TAFA1: variants seen among roughly 807,000 people sequenced by gnomAD.
The protein encoded by TAFA1 is chemokine-like protein TAFA-1.
In TAFA1, 4 loss-of-function variants were observed where a neutral mutation model predicts 18.5. The ratio of observed to expected loss-of-function variants is 0.22; its 90% CI spans 0.11 to 0.49. The LOEUF (loss-of-function observed/expected upper bound fraction) is 0.49. Among genes scored for constraint, TAFA1 ranks in the 20% least tolerant of loss-of-function variants. The pLI is 0.98. For missense variants in TAFA1, 147 were observed against 169.0 expected, an observed-to-expected ratio of 0.87 and a Z score of 0.72; for synonymous variants, 56 against 55.2, an observed-to-expected ratio of 1.01 and a Z score of -0.06.
chr3:68,170,385 C>T (rs1036662331), intron 2 of TAFA1, among the ~76,000 whole-genome samples: 4 of 152,174 alleles, frequency 2.6e-5, no homozygotes, highest in Admixed American at 6.5e-5. Flanking sequence ...GTGCAAACAG[C>T]CCTATCCCCA....
intron 3 of TAFA1, among the ~76,000 whole-genome samples, chr3:68,523,756 T>C (rs1421594813): frequency 1.3e-5 from 2 of 152,186 alleles, no homozygotes; most frequent in Non-Finnish European, 2.9e-5. Flanking sequence ...AAGGCCTAGG[T>C]TTTCTTTGCA....
intron 2 of TAFA1, among the ~76,000 whole-genome samples, chr3:68,202,502 C>A (rs982702022): frequency 6.6e-6 from 1 of 151,648 alleles, no homozygotes; most frequent in Non-Finnish European, 1.5e-5. Flanking sequence ...AATTCTCTCT[C>A]CTTTCTTTAG....
At chr3:68,113,060 G>A (rs1370032898) in intron 2 of TAFA1, among the ~76,000 whole-genome samples, 3 of 152,056 alleles carry the variant, frequency 2.0e-5, no homozygotes, top group African/African-American at 7.2e-5. Flanking sequence ...TTAGAAATTG[G>A]TGAGCTGATT....
intron 3 of TAFA1, among the ~76,000 whole-genome samples, chr3:68,424,751 C>G (rs999811250): frequency 3.9e-5 from 6 of 151,982 alleles, no homozygotes; most frequent in Non-Finnish European, 8.8e-5. Flanking sequence ...CTTAGCCTTC[C>G]AAAACATGAC....
In TAFA1 at chr3:68,386,525, T is replaced by A. The variant is rs139771780; in HGVS notation, c.119-30755T>A. Among the ~76,000 whole-genome samples the A allele has an allele frequency of 2.2e-3, 340 of 152,254 alleles. 2 individuals carry two copies. The highest frequency in any genetic ancestry group is 7.6e-3 in the African/African-American group (314 of 41,570). ...TGTTAAGAACTCATCTAGGGTGCTATGCACATGATCTAGCCTGACAATCCT... is the reference window on the plus strand; with the variant it reads ...TGTTAAGAACTCATCTAGGGTGCTAAGCACATGATCTAGCCTGACAATCCT... On this transcript the variant is annotated intron_variant, in intron 2 of 4. Transcript: ENST00000478136.
intron 3 of TAFA1, among the ~76,000 whole-genome samples, chr3:68,453,228 C>A (rs1374341657): frequency 6.6e-6 from 1 of 152,154 alleles, no homozygotes; most frequent in Non-Finnish European, 1.5e-5. Context: ...GACAAGAGAG[C>A]CATTGCAGAC....
intron 2 of TAFA1, among the ~76,000 whole-genome samples, chr3:68,205,153 C>T (rs62248290): frequency 1.3e-5 from 2 of 151,570 alleles, no homozygotes; most frequent in Non-Finnish European, 3.0e-5. Flanking sequence ...TTCTATAAGA[C>T]AAAGGTGATT....
At chr3:68,022,321 G>A (rs1043915259) in intron 2 of TAFA1, among the ~76,000 whole-genome samples, 1 of 152,172 alleles carries the variant, frequency 6.6e-6, no homozygotes, top group African/African-American at 2.4e-5. Context: ...TAGAACATTT[G>A]GAGGCAGAAG....
chr3:68,168,144 CA>C (rs10662237), intron 2 of TAFA1, among the ~76,000 whole-genome samples: 2,250 of 116,442 alleles, frequency 0.019, 77 homozygotes, highest in African/African-American at 0.067. Flanking sequence ...TTTTCAGATA[CA>C]AAAAAAAAAA....
At chr3:68,322,502 A>T (rs1449172116) in intron 2 of TAFA1, among the ~76,000 whole-genome samples, 1 of 152,136 alleles carries the variant, frequency 6.6e-6, no homozygotes, top group Admixed American at 6.5e-5. Flanking sequence ...GAGAAGTTAC[A>T]TGTCTTGCCC....
intron 2 of TAFA1, among the ~76,000 whole-genome samples, chr3:68,215,209 G>A (rs188262318): frequency 6.6e-6 from 1 of 151,984 alleles, no homozygotes; most frequent in Non-Finnish European, 1.5e-5. Context: ...TATATGCCAA[G>A]CACTTTCCAT....
chr3:68,123,239 A>T (rs1344546430), intron 2 of TAFA1, among the ~76,000 whole-genome samples: 1 of 152,130 alleles, frequency 6.6e-6, no homozygotes, highest in East Asian at 1.9e-4. Flanking sequence ...CACCAGGGAG[A>T]AGGGGCGACA....
At chr3:68,198,645 A>G (rs1414330305) in intron 2 of TAFA1, among the ~76,000 whole-genome samples, 6 of 151,384 alleles carry the variant, frequency 4.0e-5, no homozygotes, top group East Asian at 2.0e-4. Context: ...GCATCTTTTC[A>G]TATGCTTATT....
chr3:68,111,082 A>C (rs1331127357), intron 2 of TAFA1, among the ~76,000 whole-genome samples: 1 of 152,212 alleles, frequency 6.6e-6, no homozygotes, highest in Non-Finnish European at 1.5e-5. Flanking sequence ...ACAAAATGAT[A>C]ATCTTTCCTA....
At chr3:68,446,190 A>T (rs1342192324) in intron 3 of TAFA1, among the ~76,000 whole-genome samples, 1 of 152,110 alleles carries the variant, frequency 6.6e-6, no homozygotes, top group Non-Finnish European at 1.5e-5. Flanking sequence ...TATAGACATG[A>T]GCCACCATGC....
chr3:68,050,994 A>G (rs2064464806), intron 2 of TAFA1, among the ~76,000 whole-genome samples: 1 of 152,174 alleles, frequency 6.6e-6, no homozygotes, highest in Non-Finnish European at 1.5e-5. Flanking sequence ...TTCTCAGCAC[A>G]CATACTAAAA....
chr3:68,377,004 C>A (rs1286722216), intron 2 of TAFA1, among the ~76,000 whole-genome samples: 1 of 152,180 alleles, frequency 6.6e-6, no homozygotes, highest in Non-Finnish European at 1.5e-5. Context: ...TTCCTCTTTG[C>A]CTTCCACCAT....
chr3:68,387,672 G>C (rs1010912047), intron 2 of TAFA1, among the ~76,000 whole-genome samples: 1 of 151,530 alleles, frequency 6.6e-6, no homozygotes, highest in Non-Finnish European at 1.5e-5. Context: ...TCGTTTTTCT[G>C]CTTTCACTCA....
Position 68,521,856 on chromosome 3 carries a change from G to GTTTTTTTTTTTTTTTTTTTTTTTTT in TAFA1, c.260-16880_260-16879insTTTTTTTTTTTTTTTTTTTTTTTTT, listed in dbSNP as rs57372768. On this transcript the variant is annotated intron_variant, in intron 3 of 4. Transcript: ENST00000478136. ...TCTGGGTTTTTCTGTGTTTTTTTCT[G>GTTTTTTTTTTTTTTTTTTTTTTTTT]TTTTTTTTTTTTTTTTTTTTGGAGA... Among the ~76,000 whole-genome samples the GTTTTTTTTTTTTTTTTTTTTTTTTT allele has an allele frequency of 9.9e-5, 7 of 70,848 alleles. 2 individuals carry two copies. Among genetic ancestry groups the GTTTTTTTTTTTTTTTTTTTTTTTTT allele is most frequent in the Non-Finnish European group, 1.2e-4 (5 of 41,232 alleles). 46.5% of individuals were successfully genotyped at this position (70,848 alleles called of 152,430 possible).
Sources: gnomAD v4.1 joint callset for allele counts (sites outside exome capture counted in the v4.1 genomes callset) on GRCh38, gnomAD v4.1.1 for gene constraint, MANE v1.5 for transcripts, NCBI Gene and HGNC (gene_info 2026-07-23, HGNC 2026-07-21) for gene names.